ZNF277: variants seen among roughly 807,000 people sequenced by gnomAD.
The protein encoded by ZNF277 is nuclear receptor-interacting factor 4.
A neutral mutation model predicts 60.7 loss-of-function variants in ZNF277; 55 were observed. The ratio of observed to expected loss-of-function variants is 0.91; its 90% CI spans 0.73 to 1.13. The LOEUF (loss-of-function observed/expected upper bound fraction) is 1.13, where lower values mean the gene tolerates loss of function less well. ZNF277 is among the 50% of genes most tolerant of loss of function. The pLI, the probability that ZNF277 is intolerant of heterozygous loss-of-function variation, is 0.00. For missense variants in ZNF277, 510 were observed against 523.0 expected, an observed-to-expected ratio of 0.98 and a Z score of 0.24; for synonymous variants, 178 against 179.3, an observed-to-expected ratio of 0.99 and a Z score of 0.06.
intron 4 of ZNF277, among the ~76,000 whole-genome samples, chr7:112,311,632 T>G (rs1792735463): frequency 6.6e-6 from 1 of 152,038 alleles, no homozygotes; most frequent in Non-Finnish European, 1.5e-5. Flanking sequence ...CTAATTTTTT[T>G]TATTCATAAG....
At chr7:112,341,082 C>T (rs373864186) in intron 11 of ZNF277, 36 bp downstream of exon 11, 438 of 1,520,610 alleles carry the variant, frequency 2.9e-4, no homozygotes, top group Admixed American at 5.2e-4. Flanking sequence ...ACTTCTTACT[C>T]CAACTCTTTG....
At chr7:112,258,417 A>T (rs1791372222) in intron 1 of ZNF277, among the ~76,000 whole-genome samples, 1 of 151,916 alleles carries the variant, frequency 6.6e-6, no homozygotes, top group Non-Finnish European at 1.5e-5. Flanking sequence ...TGCACAGAAT[A>T]TACTTGTACT....
chr7:112,262,994 T>C (rs1791469175), intron 1 of ZNF277, among the ~76,000 whole-genome samples: 1 of 152,212 alleles, frequency 6.6e-6, no homozygotes, highest in South Asian at 2.1e-4. Context: ...GGGAGTGTAT[T>C]ATGAGCTATA....
rs1176447962 is a variant in ZNF277, at chr7:112,296,279, A to G, written c.433A>G (p.Ile145Val). 1.3e-6 allele frequency: 2 copies of G among 1,592,688 alleles called. No homozygotes were observed. The highest frequency in any genetic ancestry group is 1.7e-6 in the Non-Finnish European group (2 of 1,170,340). Residue 145 changes from isoleucine to valine, a missense_variant, in exon 4 of 12, where the codon ATT becomes GTT. Coordinates refer to ENST00000361822, the MANE Select transcript of ZNF277 (RefSeq NM_021994.3). ...LLCDVLPEDR[I>V]LREELQKQRL... ...ATGTGACGTTTTACCAGAAGATAGA[A>G]TTCTTAGAGAAGAGCTTCAGAAACA...
At chr7:112,338,836 C>T (rs1212174047) in intron 9 of ZNF277, among the ~76,000 whole-genome samples, 2 of 152,176 alleles carry the variant, frequency 1.3e-5, no homozygotes, top group Admixed American at 1.3e-4. Context: ...TGACAGGTGT[C>T]CTTAACCTCT....
chr7:112,330,142 A>C lies in ZNF277; in HGVS notation c.727A>C (p.Met243Leu). 6.2e-7 allele frequency: 1 copy of C among 1,613,510 alleles called. No homozygotes were observed. The highest frequency in any genetic ancestry group is 8.5e-7 in the Non-Finnish European group (1 of 1,179,780). ...FRDKNTLKDH[M>L]RKKQHRKINP... ...GGACAAAAATACACTTAAAGATCAC[A>C]TGAGGAAAAAACAGCATCGTAAGAT... Residue 243 changes from methionine (M) to leucine (L), a missense_variant, in exon 7 of 12, where the codon ATG (methionine) becomes CTG (leucine). Coordinates refer to ENST00000361822, the MANE Select transcript of ZNF277 (RefSeq NM_021994.3).
At chr7:112,291,111 C>T (rs746390718) in intron 2 of ZNF277, among the ~76,000 whole-genome samples, 9 of 152,108 alleles carry the variant, frequency 5.9e-5, no homozygotes, top group Non-Finnish European at 1.2e-4. Flanking sequence ...AAATAAAAAT[C>T]TTTCCATTGA....
At chr7:112,310,286 TA>T (rs1238302635) in intron 4 of ZNF277, among the ~76,000 whole-genome samples, 1 of 152,068 alleles carries the variant, frequency 6.6e-6, no homozygotes, top group Non-Finnish European at 1.5e-5. Context: ...CCACCATGAA[TA>T]ACACAGACCC....
chr7:112,223,882 GCT>G (rs1159878937), intron 1 of ZNF277, among the ~76,000 whole-genome samples: 1 of 152,192 alleles, frequency 6.6e-6, no homozygotes, highest in Non-Finnish European at 1.5e-5. Context: ...AAAGCAAAGA[GCT>G]CTGCCCTTGT....
At chr7:112,264,492 C>T (rs1239539982) in intron 1 of ZNF277, among the ~76,000 whole-genome samples, 1 of 151,812 alleles carries the variant, frequency 6.6e-6, no homozygotes, top group Non-Finnish European at 1.5e-5. Context: ...CCTGAAGAAT[C>T]GGTTAAACAA....
intron 4 of ZNF277, among the ~76,000 whole-genome samples, chr7:112,315,810 T>C (rs1378316644): frequency 6.6e-6 from 1 of 152,086 alleles, no homozygotes; most frequent in African/African-American, 2.4e-5. Flanking sequence ...GTTATTTTAG[T>C]GTGTTCTAAG....
chr7:112,296,805 A>G (rs1792346718), intron 4 of ZNF277, among the ~76,000 whole-genome samples: 1 of 150,872 alleles, frequency 6.6e-6, no homozygotes, highest in Admixed American at 6.6e-5. Context: ...TAATTTGAAA[A>G]CCTCAGCATC....
chr7:112,319,775 C>G (rs1460535956), intron 5 of ZNF277, among the ~76,000 whole-genome samples: 1 of 151,144 alleles, frequency 6.6e-6, no homozygotes, highest in Non-Finnish European at 1.5e-5. Context: ...GTTTGATTCT[C>G]AGATCAGTTA....
chr7:112,337,833 T>C lies in ZNF277; in HGVS notation c.966+7T>C, dbSNP rs199668525. On this transcript the variant is annotated splice_region_variant and intron_variant, in intron 9 of 11. Transcript: ENST00000361822. The stretch of plus-strand genomic sequence containing the variant: ...GTTGTATGTCCACATGGAGGTAAGA[T>C]ACCTGTATTTATTTGAATTTTGTTT... 8.9e-5 allele frequency: 143 copies of C among 1,604,888 alleles called. No individual in the cohort carries two copies. In the African/African-American group the frequency reaches 1.8e-3, roughly 20 times the overall value.
Position 112,286,937 on chromosome 7 carries a change from A to G in ZNF277, c.156A>G (p.Leu52=). The change falls in exon 2 of 12, where the codon TTA becomes TTG. Residue 52 remains leucine (L), a synonymous_variant. Coordinates refer to ENST00000361822, the MANE Select transcript of ZNF277 (RefSeq NM_021994.3). ...AAAGTCCAGGTGGCACCACCACTTT[A>G]GAAGGTTCTCCATCTGTGCCTTGTA... ...LPESPGGTTT[L]EGSPSVPCIF... 6.2e-7 allele frequency: 1 copy of G among 1,608,798 alleles called. No homozygotes were observed. Among genetic ancestry groups the G allele is most frequent in the African/African-American group, 1.4e-5 (1 of 72,578 alleles).
Position 112,206,881 on chromosome 7 carries a change from G to T in ZNF277, c.91+74G>T, listed in dbSNP as rs1478442730. 1.8e-5 allele frequency: 27 copies of T among 1,485,818 alleles called. No individual in the cohort carries two copies. In the South Asian group the frequency reaches 2.8e-4, roughly 15 times the overall value. 92.0% of individuals were successfully genotyped at this position (1,485,818 alleles called of 1,614,324 possible). A position where few individuals can be genotyped will look rare whatever the true frequency, so the allele number is the denominator to read the frequency against. On this transcript the variant is annotated intron_variant, in intron 1 of 11. Coordinates refer to ENST00000361822, the MANE Select transcript of ZNF277 (RefSeq NM_021994.3). ...TGACCGGGTGTGCAACGGACCTCTG[G>T]TCTGACCCTAGGAGCCCTTCAGCTC...
At position 112,296,424 on chromosome 7, in the gene ZNF277, T is replaced by C. The variant is rs975339601; in HGVS notation, c.465+113T>C. 8 of 523,002 alleles carry C rather than the reference T, an allele frequency of 1.5e-5. No homozygotes were observed. In the East Asian group the frequency reaches 1.8e-4, roughly 12 times the overall value. The allele number at this position is 523,002 out of a possible 1,614,324, so 32.4% of individuals were successfully genotyped here. ...TTTGTTATGGAAACTTTCAAACATATGTAAAAGAGGAGACAATACAAAAAG... is the reference window on the plus strand; with the variant it reads ...TTTGTTATGGAAACTTTCAAACATACGTAAAAGAGGAGACAATACAAAAAG... On this transcript the variant is annotated intron_variant, in intron 4 of 11. Coordinates refer to ENST00000361822, the MANE Select transcript of ZNF277 (RefSeq NM_021994.3).
chr7:112,236,678 G>A (rs1790798526), intron 1 of ZNF277, among the ~76,000 whole-genome samples: 3 of 151,998 alleles, frequency 2.0e-5, no homozygotes, highest in Admixed American at 6.6e-5. Flanking sequence ...AAAATTCTAC[G>A]AGTCCTCATT....
chr7:112,309,973 T>C (rs1792683898), intron 4 of ZNF277, among the ~76,000 whole-genome samples: 1 of 152,104 alleles, frequency 6.6e-6, no homozygotes, highest in Admixed American at 6.5e-5. Flanking sequence ...TTCCTAAGGA[T>C]GCATTGTTCT....
Sources: allele counts gnomAD v4.1 joint callset (sites outside exome capture counted in the v4.1 genomes callset), GRCh38; gene constraint gnomAD v4.1.1; transcripts MANE v1.5; gene names NCBI Gene and HGNC (gene_info 2026-07-23, HGNC 2026-07-21).